PCYOX1L: variants seen among roughly 807,000 people sequenced by gnomAD.
PCYOX1L encodes prenylcysteine oxidase 1-like.
PCYOX1L carries 40 observed loss-of-function variants against 44.1 expected under a neutral mutation model. The ratio of observed to expected loss-of-function variants is 0.91; its 90% CI spans 0.70 to 1.18. The LOEUF (loss-of-function observed/expected upper bound fraction) is 1.18, where lower values mean the gene tolerates loss of function less well. Among genes scored for constraint, PCYOX1L ranks in the 50% most tolerant of loss-of-function variants. The probability of loss-of-function intolerance (pLI) is 0.00; values close to 1 mark genes in which losing one functional copy is unlikely to be tolerated. For synonymous variants in PCYOX1L, 266 were observed against 282.8 expected (o/e 0.94, Z 0.60); for missense variants, 605 against 653.3 (o/e 0.93, Z 0.81).
rs1300194206 is a variant in PCYOX1L at position 149,369,193 on chromosome 5, C to T, written c.*539C>T. On this transcript the variant is annotated 3_prime_UTR_variant, in exon 6 of 6. Transcript: ENST00000274569. ...TTTGAAGTACCTAGTTCAGAACTCCCTAGTCACCATCTCCAAGCCTGTCAA... is the reference window on the plus strand; with the variant it reads ...TTTGAAGTACCTAGTTCAGAACTCCTTAGTCACCATCTCCAAGCCTGTCAA... 6.6e-6 allele frequency: 1 copy of T among 152,200 alleles called. No homozygotes were observed. Among genetic ancestry groups the T allele is most frequent in the Non-Finnish European group, 1.5e-5 (1 of 68,054 alleles). 9.4% of individuals were successfully genotyped at this position (152,200 alleles called of 1,614,324 possible). A position where few individuals can be genotyped will look rare whatever the true frequency, so the allele number is the denominator to read the frequency against.
At position 149,367,450 on chromosome 5, in the gene PCYOX1L, A is replaced by C; in HGVS notation, c.773A>C (p.Lys258Thr). Residue 258 changes from lysine (K) to threonine (T), a missense_variant, in exon 5 of 6, where the codon AAG becomes ACG. Lys to Thr is a moderately conservative substitution (Grantham distance 78). Transcript: ENST00000274569. ...TGTTCCGGTTTGCTGAAGCTCACCA[A>C]GGCCAATGTGATCCATGCCACAGTG... ...LVCSGLLKLT[K>T]ANVIHATVTS... 6.2e-7 allele frequency: 1 copy of C among 1,613,896 alleles called. No homozygotes were observed. Among genetic ancestry groups the C allele is most frequent in the Non-Finnish European group, 8.5e-7 (1 of 1,179,848 alleles).
chr5:149,364,259 A>G, intron 3 of PCYOX1L, 49 bp downstream of exon 3: 1 of 1,604,614 alleles, frequency 6.2e-7, no homozygotes, highest in Non-Finnish European at 8.5e-7. Context: ...AACCGAGAAG[A>G]GGTGGGGGAG....
At position 149,368,065 on chromosome 5, in the gene PCYOX1L, T is replaced by G. The variant is rs1257813250; in HGVS notation, c.896T>G (p.Val299Gly). ...GNSSDFYDIV[V>G]IATPLHLDNS... ...AGCTCTGACTTCTATGACATCGTGG[T>G]CATCGCCACCCCCCTGCACCTGGAC... Residue 299 changes from valine to glycine, a missense_variant, in exon 6 of 6, where the codon GTC (valine) becomes GGC (glycine). Physicochemically the swap from Val to Gly is moderately radical, Grantham distance 109. Coordinates refer to ENST00000274569, the MANE Select transcript of PCYOX1L (RefSeq NM_024028.4). 7.5e-6 allele frequency: 12 copies of G among 1,598,708 alleles called. No homozygotes were observed. Among genetic ancestry groups the G allele is most frequent in the Non-Finnish European group, 1.0e-5 (12 of 1,172,876 alleles).
Position 149,368,023 on chromosome 5 carries a change from A to C in PCYOX1L, c.854A>C (p.Glu285Ala). ...AAAGCCCTGTACCAGGTGGCGTATG[A>C]GAATGAGGTAGGCAACAGCTCTGAC... Reference protein sequence around the residue: ...EGKALYQVAYENEVGNSSDFY... With the variant: ...EGKALYQVAYANEVGNSSDFY... Residue 285 changes from glutamate to alanine, a missense_variant, in exon 6 of 6, where the codon GAG (glutamate) becomes GCG (alanine). Physicochemically the swap from Glu to Ala is moderately radical, Grantham distance 107. Transcript: ENST00000274569. 1 of 1,549,258 alleles carries C rather than the reference A, an allele frequency of 6.5e-7. No homozygotes were observed. The highest frequency in any genetic ancestry group is 8.7e-7 in the Non-Finnish European group (1 of 1,151,434).
At chr5:149,363,075 T>C (rs1445783250) in intron 2 of PCYOX1L, 1 of 670,322 alleles carries the variant, frequency 1.5e-6, no homozygotes, top group Admixed American at 2.0e-5. Context: ...CCAGTTTCTT[T>C]CCCTTTCAAT....
chr5:149,360,399 G>A (rs573214513), intron 1 of PCYOX1L, among the ~76,000 whole-genome samples: 5 of 152,308 alleles, frequency 3.3e-5, no homozygotes, highest in South Asian at 4.1e-4. Flanking sequence ...CACATGGAGG[G>A]GATGGGAGCA....
intron 4 of PCYOX1L, 137 bp downstream of exon 4, chr5:149,366,290 C>T (rs1040344516): frequency 2.6e-4 from 226 of 874,564 alleles, no homozygotes; most frequent in Middle Eastern, 3.4e-4. Context: ...CCCCATCCTG[C>T]CTGATTCTGG....
In PCYOX1L at chr5:149,361,867, AT is replaced by A. The variant is rs1322914165; in HGVS notation, c.89-769del. 3.3e-5 allele frequency among the ~76,000 whole-genome samples: 5 copies of A among 152,310 alleles called. No homozygotes were observed. The East Asian group carries it at 9.7e-4, about 29-fold the overall frequency. On this transcript the variant is annotated intron_variant, in intron 1 of 5. Coordinates refer to ENST00000274569, the MANE Select transcript of PCYOX1L (RefSeq NM_024028.4). ...GGTCTCGAACTCCTGACTTCAGGTG[AT>A]CTGCCCCCGCTAGGCCTCCCAAAGT...
At chr5:149,362,424 A>C (rs1239409529) in intron 1 of PCYOX1L, 4 of 556,096 alleles carry the variant, frequency 7.2e-6, no homozygotes, top group South Asian at 5.1e-5. Flanking sequence ...TTATGAAACG[A>C]AAGTATAGTA....
In PCYOX1L at chr5:149,368,044, C is replaced by T; in HGVS notation, c.875C>T (p.Ser292Phe). Residue 292 changes from serine (S) to phenylalanine (F), a missense_variant, in exon 6 of 6, where the codon TCT becomes TTT. Transcript: ENST00000274569. ...TATGAGAATGAGGTAGGCAACAGCTCTGACTTCTATGACATCGTGGTCATC... is the reference window on the plus strand; with the variant it reads ...TATGAGAATGAGGTAGGCAACAGCTTTGACTTCTATGACATCGTGGTCATC... ...VAYENEVGNS[S>F]DFYDIVVIAT... The T allele has an allele frequency of 1.9e-6, 3 of 1,579,046 alleles. No individual in the cohort carries two copies. The highest frequency in any genetic ancestry group is 1.4e-5 in the African/African-American group (1 of 73,822).
At chr5:149,363,312 G>A (rs145403086) in intron 2 of PCYOX1L, 231 of 339,536 alleles carry the variant, frequency 6.8e-4, no homozygotes, top group African/African-American at 4.6e-3. Context: ...TCCAATACAC[G>A]TTCTGTTTGA....
intron 2 of PCYOX1L, chr5:149,363,478 A>C: frequency 4.3e-6 from 1 of 230,584 alleles, no homozygotes; most frequent in Non-Finnish European, 8.7e-6. Context: ...GGTTAAACAA[A>C]TTATTGTATA....
chr5:149,361,545 C>CA (rs1057121421), intron 1 of PCYOX1L, among the ~76,000 whole-genome samples: 1 of 152,088 alleles, frequency 6.6e-6, no homozygotes, highest in African/African-American at 2.4e-5. Context: ...TGATAAGACC[C>CA]AAAAAAGCTG....
rs192829321 is a variant in PCYOX1L at position 149,361,763 on chromosome 5, G to A, written c.89-874G>A. On this transcript the variant is annotated intron_variant, in intron 1 of 5. Transcript: ENST00000274569. ...CCTGCCTCAGCCTCCTGAGTAGCTG[G>A]GATTGCAGGCATGCGCCACCACACC... Among the ~76,000 whole-genome samples the A allele has an allele frequency of 1.6e-3, 250 of 152,266 alleles. 3 individuals carry two copies. Among genetic ancestry groups the A allele is most frequent in the African/African-American group, 5.8e-3 (242 of 41,550 alleles).
At chr5:149,363,146 C>T in intron 2 of PCYOX1L, 1 of 502,138 alleles carries the variant, frequency 2.0e-6, no homozygotes, top group South Asian at 1.6e-5. Flanking sequence ...TGCCAGGCAC[C>T]TTCTGGGTGG....
rs768065702 is a variant in PCYOX1L at position 149,367,468 on chromosome 5, C to G, written c.791C>G (p.Ala264Gly). Residue 264 changes from alanine to glycine, a missense_variant, in exon 5 of 6, where the codon GCC (alanine) becomes GGC (glycine). Transcript: ENST00000274569. ...CTCACCAAGGCCAATGTGATCCATGCCACAGTGACCTCTGTGACCCTGCAC... is the reference window on the plus strand; with the variant it reads ...CTCACCAAGGCCAATGTGATCCATGGCACAGTGACCTCTGTGACCCTGCAC... The part of the protein sequence containing the change: ...LKLTKANVIH[A>G]TVTSVTLHST... 2 of 1,613,864 alleles carry G rather than the reference C, an allele frequency of 1.2e-6. No homozygotes were observed. The highest frequency in any genetic ancestry group is 2.2e-5 in the South Asian group (2 of 91,024).
In PCYOX1L at chr5:149,364,663, G is replaced by A. The variant is rs567262487; in HGVS notation, c.470+453G>A. Reference sequence around the variant, plus strand: ...CAGAAGAAGCTGGAAATCCAGAGTCGTGTGTGAAATCTTTTCAGTTTTTCA... The same window carrying A: ...CAGAAGAAGCTGGAAATCCAGAGTCATGTGTGAAATCTTTTCAGTTTTTCA... On this transcript the variant is annotated intron_variant, in intron 3 of 5. Transcript: ENST00000274569. 8.4e-5 allele frequency: 13 copies of A among 155,574 alleles called. No individual in the cohort carries two copies. In the South Asian group the frequency reaches 1.4e-3, roughly 17 times the overall value. The allele number at this position is 155,574 out of a possible 1,614,324, so 9.6% of individuals were successfully genotyped here. A position where few individuals can be genotyped will look rare whatever the true frequency, so the allele number is the denominator to read the frequency against.
chr5:149,368,228 T>C lies in PCYOX1L; in HGVS notation c.1059T>C (p.Leu353=). ...SSYFGFPDPK[L]FPFANILTTD... ...ACTTCGGTTTCCCAGACCCTAAGCT[T>C]TTCCCCTTTGCCAACATCCTTACCA... Residue 353 remains leucine (L), a synonymous_variant, in exon 6 of 6, where the codon CTT becomes CTC. Coordinates refer to ENST00000274569, the MANE Select transcript of PCYOX1L (RefSeq NM_024028.4). 3 of 1,614,052 alleles carry C rather than the reference T, an allele frequency of 1.9e-6. No homozygotes were observed. The highest frequency in any genetic ancestry group is 2.5e-6 in the Non-Finnish European group (3 of 1,180,018).
chr5:149,364,588 A>T (rs80303937), intron 3 of PCYOX1L: 2,848 of 192,042 alleles, frequency 0.015, 82 homozygotes, highest in African/African-American at 0.057. Context: ...AGCCATCTGC[A>T]GCCAGCCGTG....
Sources: allele counts gnomAD v4.1 joint callset (sites outside exome capture counted in the v4.1 genomes callset), GRCh38; gene constraint gnomAD v4.1.1; transcripts MANE v1.5; gene names NCBI Gene and HGNC (gene_info 2026-07-23, HGNC 2026-07-21).